Variants in CNTNAP2 observed in about 807,000 individuals in gnomAD.
CNTNAP2 encodes the protein contactin-associated protein-like 2.
A neutral mutation model predicts 155.2 loss-of-function variants in CNTNAP2; 98 were observed. The ratio of observed to expected loss-of-function variants is 0.63; its 90% CI spans 0.54 to 0.75. CNTNAP2 has a LOEUF of 0.75. Ranked by LOEUF, CNTNAP2 falls within the 30% of genes least tolerant of loss-of-function variation. CNTNAP2 has a pLI of 0.00. For synonymous variants in CNTNAP2, 651 were observed against 631.2 expected, an observed-to-expected ratio of 1.03 and a Z score of -0.47; for missense variants, 1,727 against 1,688.1, an observed-to-expected ratio of 1.02 and a Z score of -0.40.
At chr7:148,220,324 A>G (rs901051140) in intron 19 of CNTNAP2, among the ~76,000 whole-genome samples, 1 of 152,114 alleles carries the variant, frequency 6.6e-6, no homozygotes, top group African/African-American at 2.4e-5. Flanking sequence ...GGATGATCTC[A>G]ATCTCCTGAC....
At chr7:146,824,343 A>G (rs1803358429) in intron 2 of CNTNAP2, among the ~76,000 whole-genome samples, 1 of 152,182 alleles carries the variant, frequency 6.6e-6, no homozygotes, top group African/African-American at 2.4e-5. Context: ...TGTTGTAACA[A>G]ACATATGTGT....
intron 3 of CNTNAP2, among the ~76,000 whole-genome samples, chr7:147,012,435 A>C (rs545455105): frequency 3.3e-5 from 5 of 152,288 alleles, no homozygotes; most frequent in Admixed American, 1.3e-4. Context: ...TAAGTTTAAA[A>C]TTGTCTGAAA....
chr7:147,660,270 C>A (rs10232275), intron 13 of CNTNAP2, among the ~76,000 whole-genome samples: 8,628 of 152,204 alleles, frequency 0.057, 829 homozygotes, highest in African/African-American at 0.2. Context: ...CAATGTAGAA[C>A]CTTCTCTTCC....
At chr7:146,910,974 C>T (rs1040564356) in intron 3 of CNTNAP2, among the ~76,000 whole-genome samples, 2 of 151,368 alleles carry the variant, frequency 1.3e-5, no homozygotes, top group Non-Finnish European at 2.9e-5. Flanking sequence ...AAACAAACAA[C>T]CCCATCAAAA....
At chr7:147,825,332 A>G (rs143742794) in intron 13 of CNTNAP2, among the ~76,000 whole-genome samples, 1,691 of 152,282 alleles carry the variant, frequency 0.011, 94 homozygotes, top group Admixed American at 0.091. Context: ...TGACCCAGCA[A>G]TTTACTGGGG....
At chr7:147,407,068 T>C (rs1291355980) in intron 10 of CNTNAP2, among the ~76,000 whole-genome samples, 1 of 152,020 alleles carries the variant, frequency 6.6e-6, no homozygotes, top group East Asian at 1.9e-4. Context: ...GACCCCCCCC[T>C]CTGGGAAATT....
In CNTNAP2 at chr7:147,013,441, A is replaced by G. The variant is rs140806015; in HGVS notation, c.403-30466A>G. Among the ~76,000 whole-genome samples the G allele has an allele frequency of 2.6e-3, 396 of 152,254 alleles. 1 individual carries two copies. The highest frequency in any genetic ancestry group is 9.0e-3 in the African/African-American group (375 of 41,566). ...TATTTATGTTTTTCTTACATTAAGCATCCATTTTAGCTAACCTCACAAAAT... is the reference window on the plus strand; with the variant it reads ...TATTTATGTTTTTCTTACATTAAGCGTCCATTTTAGCTAACCTCACAAAAT... On this transcript the variant is annotated intron_variant, in intron 3 of 23. Transcript: ENST00000361727.
chr7:148,293,039 A>G (rs905705579), intron 21 of CNTNAP2, among the ~76,000 whole-genome samples: 4 of 151,972 alleles, frequency 2.6e-5, no homozygotes, highest in African/African-American at 9.7e-5. Flanking sequence ...GAGGGAGCAC[A>G]GCGCAGTTGT....
At position 147,995,969 on chromosome 7, in the gene CNTNAP2, A is replaced by G. The variant is rs775312235; in HGVS notation, c.2383+17980A>G. 8.1e-4 allele frequency among the ~76,000 whole-genome samples: 123 copies of G among 152,232 alleles called. 1 individual carries two copies. The highest frequency in any genetic ancestry group is 2.2e-4 in the Non-Finnish European group (15 of 68,048). ...CAAAGTCCAGTGAAAATGCAAATGC[A>G]GGACCATTTGTATTGTGAATTTTAA... On this transcript the variant is annotated intron_variant, in intron 15 of 23. Coordinates refer to ENST00000361727, the MANE Select transcript of CNTNAP2 (RefSeq NM_014141.6).
intron 1 of CNTNAP2, among the ~76,000 whole-genome samples, chr7:146,461,153 C>T (rs1456343742): frequency 2.0e-5 from 3 of 151,962 alleles, no homozygotes; most frequent in African/African-American, 7.3e-5. Context: ...CCTGTAATCC[C>T]AGCATTATGG....
chr7:146,228,020 G>A (rs1398100887), intron 1 of CNTNAP2, among the ~76,000 whole-genome samples: 1 of 152,126 alleles, frequency 6.6e-6, no homozygotes, highest in Non-Finnish European at 1.5e-5. Flanking sequence ...TTCCTACAAA[G>A]CATGCACTCC....
intron 13 of CNTNAP2, among the ~76,000 whole-genome samples, chr7:147,884,209 G>T (rs1000648280): frequency 1.3e-5 from 2 of 152,172 alleles, no homozygotes; most frequent in African/African-American, 4.8e-5. Flanking sequence ...TGGCAGACCG[G>T]CTGGAACAGC....
intron 1 of CNTNAP2, among the ~76,000 whole-genome samples, chr7:146,375,437 A>G (rs568645096): frequency 6.6e-6 from 1 of 152,316 alleles, no homozygotes; most frequent in East Asian, 1.9e-4. Flanking sequence ...CTGTCAGAGA[A>G]GGGATTAGTG....
At chr7:146,498,007 A>G (rs967729539) in intron 1 of CNTNAP2, among the ~76,000 whole-genome samples, 12 of 151,986 alleles carry the variant, frequency 7.9e-5, no homozygotes, top group African/African-American at 2.7e-4. Context: ...TGAAATAAAG[A>G]AAAAGATACA....
At chr7:148,095,950 G>A (rs1803957100) in intron 15 of CNTNAP2, among the ~76,000 whole-genome samples, 1 of 152,116 alleles carries the variant, frequency 6.6e-6, no homozygotes, top group Non-Finnish European at 1.5e-5. Context: ...TTTCTTCAAA[G>A]AAAAAGATGT....
At chr7:147,114,820 G>T (rs1170797376) in intron 5 of CNTNAP2, among the ~76,000 whole-genome samples, 1 of 152,130 alleles carries the variant, frequency 6.6e-6, no homozygotes, top group East Asian at 1.9e-4. Flanking sequence ...TTTAAGGTTA[G>T]TATTGTTATG....
At chr7:146,150,355 G>C (rs1028095853) in intron 1 of CNTNAP2, among the ~76,000 whole-genome samples, 14 of 152,004 alleles carry the variant, frequency 9.2e-5, no homozygotes, top group Non-Finnish European at 1.5e-4. Flanking sequence ...AACTGACAAA[G>C]TTGAGCATAT....
At chr7:146,280,435 A>G (rs1800233231) in intron 1 of CNTNAP2, among the ~76,000 whole-genome samples, 1 of 150,988 alleles carries the variant, frequency 6.6e-6, no homozygotes, top group Non-Finnish European at 1.5e-5. Flanking sequence ...TTCCTATCTC[A>G]CTCTTCTTCT....
chr7:146,720,361 C>T (rs1801264236), intron 1 of CNTNAP2, among the ~76,000 whole-genome samples: 1 of 152,060 alleles, frequency 6.6e-6, no homozygotes, highest in Admixed American at 6.6e-5. Context: ...TTCCACGTTA[C>T]AAAAGACCCT....
Sources: gnomAD v4.1 joint callset for allele counts (sites outside exome capture counted in the v4.1 genomes callset) on GRCh38, gnomAD v4.1.1 for gene constraint, MANE v1.5 for transcripts, NCBI Gene and HGNC (gene_info 2026-07-23, HGNC 2026-07-21) for gene names.